The following MYRIP variants were observed in gnomAD, a reference collection of about 807,000 sequenced individuals.
MYRIP encodes myosin VIIA and Rab interacting protein.
Under a neutral mutation model 98.0 loss-of-function variants are expected in MYRIP, and 49 were observed. That is an observed-to-expected ratio of 0.50 (90% CI 0.40 to 0.63). The LOEUF is 0.63. Among genes scored for constraint, MYRIP ranks in the 30% least tolerant of loss-of-function variants. The pLI, the probability that MYRIP is intolerant of heterozygous loss-of-function variation, is 0.00. For synonymous variants in MYRIP, 404 were observed against 409.5 expected (o/e 0.99, Z 0.16); for missense variants, 1,004 against 1,058.2 (o/e 0.95, Z 0.71).
At chr3:40,015,889 C>T (rs61057075) in intron 2 of MYRIP, among the ~76,000 whole-genome samples, 10,474 of 152,244 alleles carry the variant, frequency 0.069, 524 homozygotes, top group East Asian at 0.18. Context: ...CTCCTAACTG[C>T]AGTCCAGTTT....
chr3:39,821,852 T>A (rs989934370), intron 1 of MYRIP, among the ~76,000 whole-genome samples: 1 of 152,192 alleles, frequency 6.6e-6, no homozygotes, highest in Non-Finnish European at 1.5e-5. Flanking sequence ...TGGTACATAG[T>A]TATTGTTCAC....
At chr3:39,867,476 A>G (rs1274797758) in intron 1 of MYRIP, among the ~76,000 whole-genome samples, 1 of 91,118 alleles carries the variant, frequency 1.1e-5, no homozygotes, top group African/African-American at 5.8e-5. Flanking sequence ...GCAATAGCAA[A>G]AAGCTCACAA....
At chr3:40,010,377 C>A (rs1946735310) in intron 2 of MYRIP, among the ~76,000 whole-genome samples, 1 of 152,182 alleles carries the variant, frequency 6.6e-6, no homozygotes, top group Non-Finnish European at 1.5e-5. Context: ...GGAGAAAGAG[C>A]AGAGGAGCCC....
In MYRIP at chr3:40,230,007, T is replaced by G. The variant is rs149900238; in HGVS notation, c.1906-3852T>G. On this transcript the variant is annotated intron_variant, in intron 11 of 16. Transcript: ENST00000302541. ...AATGTGTTATTTAATTTGTATTTCT[T>G]TGCTCACTAGAAGGTTGTGTTACAT... Among the ~76,000 whole-genome samples, 739 of 152,350 alleles carry G rather than the reference T, an allele frequency of 4.9e-3. 3 individuals are homozygous for G. The highest frequency in any genetic ancestry group is 0.01 in the Middle Eastern group (3 of 294).
rs1424807110 is a variant in MYRIP at position 40,204,233 on chromosome 3, A to AT, written c.1666-5620dup. On this transcript the variant is annotated intron_variant, in intron 10 of 16. Transcript: ENST00000302541. ...TTATATATTATATATAAATATATATATATTTTTTTTTTTTGAGACAGAGTC... is the reference window on the plus strand; with the variant it reads ...TTATATATTATATATAAATATATATATTATTTTTTTTTTTTGAGACAGAGTC... Among the ~76,000 whole-genome samples the AT allele has an allele frequency of 8.0e-4, 17 of 21,380 alleles. 2 individuals are homozygous for AT. The highest frequency in any genetic ancestry group is 4.3e-3 in the South Asian group (5 of 1,176). 14.0% of individuals were successfully genotyped at this position (21,380 alleles called of 152,430 possible).
chr3:39,956,793 A>C lies in MYRIP; in HGVS notation c.110+55867A>C, dbSNP rs900156794. 2.4e-4 allele frequency among the ~76,000 whole-genome samples: 37 copies of C among 151,928 alleles called. 1 individual carries two copies. Among genetic ancestry groups the C allele is most frequent in the African/African-American group, 9.0e-4 (37 of 41,216 alleles). On this transcript the variant is annotated intron_variant, in intron 2 of 16. Coordinates refer to ENST00000302541, the MANE Select transcript of MYRIP (RefSeq NM_015460.4). ...TGATAGACCGCTAGCAAGACTAAGA[A>C]AGAAGAAAAGAGAGAAGAATCAAAT...
intron 9 of MYRIP, among the ~76,000 whole-genome samples, chr3:40,186,252 G>T (rs142140135): frequency 5.7e-4 from 86 of 152,190 alleles, no homozygotes; most frequent in African/African-American, 1.7e-3. Flanking sequence ...TTCTCAGAGT[G>T]AGTGCTCCAC....
chr3:39,826,194 T>G (rs1307083829), intron 1 of MYRIP, among the ~76,000 whole-genome samples: 3 of 152,030 alleles, frequency 2.0e-5, no homozygotes, highest in Admixed American at 1.3e-4. Flanking sequence ...TTATTTTTTC[T>G]TTCTACTAAT....
intron 11 of MYRIP, among the ~76,000 whole-genome samples, chr3:40,211,805 G>A (rs1951936768): frequency 7.8e-6 from 1 of 128,470 alleles, no homozygotes; most frequent in Admixed American, 8.1e-5. Context: ...ATTCTGCAAG[G>A]AGCAACCTCC....
chr3:40,036,788 G>C (rs189939861), intron 2 of MYRIP, among the ~76,000 whole-genome samples: 36 of 152,092 alleles, frequency 2.4e-4, no homozygotes, highest in African/African-American at 8.4e-4. Flanking sequence ...ATGTGGGGTG[G>C]CTAAAACTTC....
chr3:39,956,605 C>A (rs1945170385), intron 2 of MYRIP, among the ~76,000 whole-genome samples: 1 of 152,072 alleles, frequency 6.6e-6, no homozygotes, highest in Non-Finnish European at 1.5e-5. Flanking sequence ...ACCCCAACAT[C>A]ACAATTAAAA....
At chr3:39,824,562 T>G (rs1391631619) in intron 1 of MYRIP, among the ~76,000 whole-genome samples, 1 of 151,804 alleles carries the variant, frequency 6.6e-6, no homozygotes, top group African/African-American at 2.4e-5. Flanking sequence ...TTTGTAGAGG[T>G]TTTTCACCTC....
intron 11 of MYRIP, among the ~76,000 whole-genome samples, chr3:40,218,138 A>G (rs1224438711): frequency 1.3e-5 from 2 of 152,120 alleles, no homozygotes; most frequent in East Asian, 1.9e-4. Context: ...ACTCCTAAGT[A>G]TTTATTTCTC....
intron 2 of MYRIP, among the ~76,000 whole-genome samples, chr3:39,975,466 T>C (rs1945723130): frequency 1.3e-5 from 2 of 152,022 alleles, no homozygotes; most frequent in South Asian, 2.1e-4. Flanking sequence ...AAAATGGCCA[T>C]ACTGCCCAAG....
chr3:40,233,811 A>T, intron 11 of MYRIP, 48 bp from the exon 12 acceptor site: 1 of 1,526,724 alleles, frequency 6.5e-7, no homozygotes, highest in Non-Finnish European at 8.9e-7. Flanking sequence ...TGTCATTGTT[A>T]ATGTGCTGTT....
In MYRIP at chr3:40,206,478, T is replaced by A. The variant is rs555649709; in HGVS notation, c.1666-3376T>A. Among the ~76,000 whole-genome samples the A allele has an allele frequency of 4.1e-3, 630 of 152,296 alleles. 4 individuals carry two copies. The highest frequency in any genetic ancestry group is 6.8e-3 in the Admixed American group (104 of 15,284). ...AGCATTATGATTCTTGCTGCTCCAA[T>A]AAAACTTGTATGTCTTGATAATCTT... On this transcript the variant is annotated intron_variant, in intron 10 of 16. Transcript: ENST00000302541.
chr3:39,991,786 T>C (rs1575444244), intron 2 of MYRIP, among the ~76,000 whole-genome samples: 1 of 152,180 alleles, frequency 6.6e-6, no homozygotes, highest in Admixed American at 6.5e-5. Flanking sequence ...GCTTCTTTTT[T>C]CTGTAGCCCT....
chr3:40,056,784 G>T (rs1947893919), intron 3 of MYRIP, among the ~76,000 whole-genome samples: 1 of 152,058 alleles, frequency 6.6e-6, no homozygotes, highest in African/African-American at 2.4e-5. Context: ...AAAATCCATA[G>T]CGCATTATAA....
At chr3:39,838,457 T>C (rs1941691411) in intron 1 of MYRIP, among the ~76,000 whole-genome samples, 1 of 152,230 alleles carries the variant, frequency 6.6e-6, no homozygotes, top group Non-Finnish European at 1.5e-5. Flanking sequence ...TCTGTATCTA[T>C]TGAGATAATC....
Sources: gnomAD v4.1 joint callset for allele counts (sites outside exome capture counted in the v4.1 genomes callset) on GRCh38, gnomAD v4.1.1 for gene constraint, MANE v1.5 for transcripts, NCBI Gene and HGNC (gene_info 2026-07-23, HGNC 2026-07-21) for gene names.